AP3B1: variants seen among roughly 807,000 people sequenced by gnomAD.
The protein encoded by AP3B1 is AP-3 complex subunit beta-1.
AP3B1 carries 61 observed loss-of-function variants against 132.5 expected under a neutral mutation model. The ratio of observed to expected loss-of-function variants is 0.46; its 90% confidence interval spans 0.37 to 0.57. AP3B1 has a LOEUF of 0.57. AP3B1 is among the 20% of genes least tolerant of loss of function. The pLI, the probability that AP3B1 is intolerant of heterozygous loss-of-function variation, is 0.00. For missense variants in AP3B1, 1,120 were observed against 1,289.4 expected (o/e 0.87, Z 2.01); for synonymous variants, 388 against 438.3 (o/e 0.89, Z 1.43).
At chr5:78,017,808 AT>A (rs1050328346) in intron 25 of AP3B1, among the ~76,000 whole-genome samples, 1 of 152,076 alleles carries the variant, frequency 6.6e-6, no homozygotes, top group Non-Finnish European at 1.5e-5. Context: ...CTGGGAAAAT[AT>A]TTAAAAACTG....
chr5:78,056,794 T>C (rs1748833020), intron 22 of AP3B1, among the ~76,000 whole-genome samples: 1 of 152,188 alleles, frequency 6.6e-6, no homozygotes, highest in African/African-American at 2.4e-5. Flanking sequence ...TTAGAGGATG[T>C]TGTTAAAAGA....
intron 25 of AP3B1, 32 bp from the exon 26 acceptor site, chr5:78,015,580 A>C: frequency 1.2e-6 from 2 of 1,610,004 alleles, no homozygotes; most frequent in Non-Finnish European, 1.7e-6. Context: ...CCCTTTTATT[A>C]ATTTCTTTTT....
At chr5:78,014,042 A>G (rs1008646483) in intron 26 of AP3B1, among the ~76,000 whole-genome samples, 7 of 152,182 alleles carry the variant, frequency 4.6e-5, no homozygotes. Context: ...GGGTGCCTGT[A>G]GTCCCAGCCA....
chr5:78,089,838 A>G lies in AP3B1; in HGVS notation c.2471-339T>C, dbSNP rs182844539. Among the ~76,000 whole-genome samples, 1,031 of 152,322 alleles carry G rather than the reference A, an allele frequency of 6.8e-3. 5 individuals are homozygous for G. Among genetic ancestry groups the G allele is most frequent in the African/African-American group, 0.012 (499 of 41,572 alleles). On this transcript the variant is annotated intron_variant, in intron 21 of 26. Transcript: ENST00000255194. ...AGAAACATTTTTTTTCCAGACTATC[A>G]TAAGAATAACAACCGCTTCCAAGAG... is the stretch of plus-strand genomic sequence containing the variant.
intron 6 of AP3B1, among the ~76,000 whole-genome samples, chr5:78,225,266 C>G (rs1392392407): frequency 3.9e-5 from 6 of 152,116 alleles, no homozygotes; most frequent in African/African-American, 1.4e-4. Context: ...ATTCCTTGAT[C>G]TTACCATGTT....
At chr5:78,026,681 T>A (rs1552648) in intron 24 of AP3B1, among the ~76,000 whole-genome samples, 47,035 of 152,052 alleles carry the variant, frequency 0.31, 7,915 homozygotes, top group Admixed American at 0.42. Flanking sequence ...TGATACACTA[T>A]AAGTGAAATT....
intron 3 of AP3B1, among the ~76,000 whole-genome samples, chr5:78,235,784 T>C (rs1746851811): frequency 6.6e-6 from 1 of 152,338 alleles, no homozygotes; most frequent in African/African-American, 2.4e-5. Context: ...TCAATACTAG[T>C]ACATCAAACT....
chr5:78,195,019 C>A (rs1270906168), intron 7 of AP3B1, among the ~76,000 whole-genome samples: 1 of 149,262 alleles, frequency 6.7e-6, no homozygotes, highest in South Asian at 2.1e-4. Context: ...CCATAGAATA[C>A]TTTTTTTAGT....
chr5:78,260,207 A>G (rs1748025628), intron 2 of AP3B1, among the ~76,000 whole-genome samples: 1 of 152,166 alleles, frequency 6.6e-6, no homozygotes, highest in African/African-American at 2.4e-5. Context: ...ACCTGTTCCG[A>G]CAGGCAAGGA....
At chr5:78,067,161 AAAAGAC>A (rs1237473610) in intron 22 of AP3B1, among the ~76,000 whole-genome samples, 2 of 152,226 alleles carry the variant, frequency 1.3e-5, no homozygotes, top group African/African-American at 4.8e-5. Flanking sequence ...CAAAGATCAA[AAAAGAC>A]AAAGAAGGGC....
At chr5:78,028,063 T>C (rs143345384) in intron 24 of AP3B1, among the ~76,000 whole-genome samples, 4,035 of 151,740 alleles carry the variant, frequency 0.027, 160 homozygotes, top group East Asian at 0.14. Flanking sequence ...GAGGCAGAGG[T>C]TGCAGTGAGC....
chr5:78,054,868 T>C (rs1748739914), intron 22 of AP3B1, among the ~76,000 whole-genome samples: 1 of 152,074 alleles, frequency 6.6e-6, no homozygotes, highest in African/African-American at 2.4e-5. Context: ...CTACAGATGC[T>C]TTCTTTGAAT....
intron 12 of AP3B1, among the ~76,000 whole-genome samples, 156 bp downstream of exon 12, chr5:78,165,452 TTA>T (rs1743573903): frequency 6.6e-6 from 1 of 151,912 alleles, no homozygotes; most frequent in Non-Finnish European, 1.5e-5. Flanking sequence ...TAAATTGTAA[TTA>T]GTTTATTCTT....
Position 78,162,890 on chromosome 5 carries a change from C to T in AP3B1, c.1292G>A (p.Cys431Tyr), listed in dbSNP as rs751127592. 7 of 1,613,976 alleles carry T rather than the reference C, an allele frequency of 4.3e-6. No individual in the cohort carries two copies. The Admixed American group carries it at 8.3e-5, about 19-fold the overall frequency. Residue 431 changes from cysteine to tyrosine, a missense_variant, in exon 13 of 27, where the codon TGT becomes TAT. Cys to Tyr is a radical substitution (Grantham distance 194, BLOSUM62 -2). This residue lies in a region of AP3B1 where 906 missense variants were observed against 997.1 expected (regional missense o/e 0.91). Coordinates refer to ENST00000255194, the MANE Select transcript of AP3B1 (RefSeq NM_003664.5). ...AGTGACTTCCAAGATGTTGGTTGCA[C>T]ATCTGCCTATAGTCTGAATAGTGGC... is the stretch of plus-strand genomic sequence containing the variant. Reference protein sequence around the residue: ...AAATIQTIGRCATNILEVTDT... With the variant: ...AAATIQTIGRYATNILEVTDT...
chr5:78,167,578 A>C (rs1227116823), intron 11 of AP3B1, among the ~76,000 whole-genome samples: 1 of 152,122 alleles, frequency 6.6e-6, no homozygotes, highest in East Asian at 1.9e-4. Context: ...AAAAATATGG[A>C]ACCAGCCCAA....
chr5:78,217,697 T>C (rs1746018780), intron 6 of AP3B1, among the ~76,000 whole-genome samples: 2 of 152,074 alleles, frequency 1.3e-5, no homozygotes, highest in Admixed American at 6.6e-5. Context: ...CATTAAACTC[T>C]AGAATAACTC....
chr5:78,210,600 G>A (rs1339555794), intron 7 of AP3B1, among the ~76,000 whole-genome samples: 4 of 151,966 alleles, frequency 2.6e-5, no homozygotes, highest in African/African-American at 7.2e-5. Context: ...AAAAATAATG[G>A]TAAATATTTA....
intron 17 of AP3B1, among the ~76,000 whole-genome samples, chr5:78,123,263 A>T (rs1424084856): frequency 1.3e-5 from 2 of 152,238 alleles, no homozygotes; most frequent in Non-Finnish European, 2.9e-5. Context: ...AACCTAGGCA[A>T]TACCATTCAG....
chr5:78,189,466 A>T (rs964127547), intron 7 of AP3B1, among the ~76,000 whole-genome samples: 1 of 152,182 alleles, frequency 6.6e-6, no homozygotes, highest in Non-Finnish European at 1.5e-5. Context: ...TAATGACTAT[A>T]ATTAAAGGTC....
Sources: allele counts gnomAD v4.1 joint callset (sites outside exome capture counted in the v4.1 genomes callset), GRCh38; gene constraint gnomAD v4.1.1; regional missense constraint gnomAD v4.1.1; transcripts MANE v1.5; gene names NCBI Gene and HGNC (gene_info 2026-07-23, HGNC 2026-07-21).